Variants in CDH11 observed in about 807,000 individuals in gnomAD.
CDH11 encodes the protein cadherin-11.
CDH11 carries 11 observed loss-of-function variants against 67.8 expected under a neutral mutation model. The ratio of observed to expected loss-of-function variants is 0.16; its 90% CI spans 0.10 to 0.27. The LOEUF (loss-of-function observed/expected upper bound fraction) is 0.27. Among genes scored for constraint, CDH11 ranks in the 10% least tolerant of loss-of-function variants. The pLI is 1.00. For missense variants in CDH11, 847 were observed against 1,031.2 expected (o/e 0.82, Z 2.45); for synonymous variants, 419 against 400.0 (o/e 1.05, Z -0.57).
intron 7 of CDH11, chr16:64,986,210 T>A (rs1567509714): frequency 6.6e-6 from 1 of 152,098 alleles, no homozygotes; most frequent in Non-Finnish European, 1.5e-5. Flanking sequence ...CCGGTGGACA[T>A]TTGGAACTTT....
At position 65,015,281 on chromosome 16, in the gene CDH11, T is replaced by C. The variant is rs374731034; in HGVS notation, c.-172-10240A>G. On this transcript the variant is annotated intron_variant, in intron 2 of 12. Transcript: ENST00000268603. ...GAGTAAGTAATATCAATTCTACCAT[T>C]TCTTTTCAAGTTTGGAGATTTTGCT... Among the ~76,000 whole-genome samples the C allele has an allele frequency of 2.2e-4, 33 of 152,040 alleles. No individual in the cohort carries two copies. In the South Asian group the frequency reaches 4.2e-3, roughly 19 times the overall value.
chr16:65,079,907 C>A (rs1015243155), intron 1 of CDH11, among the ~76,000 whole-genome samples: 1 of 152,148 alleles, frequency 6.6e-6, no homozygotes, highest in Admixed American at 6.5e-5. Context: ...TTTCTTTGCA[C>A]AGCTCTCAGC....
At position 64,992,871 on chromosome 16, in the gene CDH11, C is replaced by G. The variant is rs778329738; in HGVS notation, c.643+44G>C. The G allele has an allele frequency of 3.1e-6, 5 of 1,600,954 alleles. No homozygotes were observed. In the East Asian group the frequency reaches 1.1e-4, roughly 36 times the overall value. ...TAAGTTCTGGTCAGGCCTGGGACTT[C>G]TTATTCACCATGTGTCACAAATCAC... is the stretch of plus-strand genomic sequence containing the variant. On this transcript the variant is annotated intron_variant, in intron 5 of 12. Transcript: ENST00000268603.
chr16:64,969,460 G>A (rs904928502), intron 11 of CDH11, among the ~76,000 whole-genome samples: 2 of 152,168 alleles, frequency 1.3e-5, no homozygotes, highest in Non-Finnish European at 2.9e-5. Context: ...TGAGAAGCTA[G>A]ACAAAAGATG....
intron 2 of CDH11, among the ~76,000 whole-genome samples, chr16:65,044,584 C>G (rs2073922978): frequency 1.3e-5 from 2 of 152,026 alleles, no homozygotes; most frequent in African/African-American, 4.8e-5. Context: ...CTCACAGGGT[C>G]TAGGAGCCCC....
At chr16:65,071,800 G>A (rs753378259) in intron 1 of CDH11, among the ~76,000 whole-genome samples, 2 of 152,190 alleles carry the variant, frequency 1.3e-5, no homozygotes, top group African/African-American at 2.4e-5. Flanking sequence ...AAGGAAGATC[G>A]TGACCCGAGC....
intron 7 of CDH11, chr16:64,985,895 C>T (rs762918161): frequency 1.3e-5 from 2 of 151,682 alleles, no homozygotes; most frequent in Non-Finnish European, 2.9e-5. Context: ...TATTGTATCA[C>T]TTCACTGTCC....
In CDH11 at chr16:65,119,363, T is replaced by C. The variant is rs146481634; in HGVS notation, c.-298+2517A>G. On this transcript the variant is annotated intron_variant, in intron 1 of 12. Coordinates refer to ENST00000268603, the MANE Select transcript of CDH11 (RefSeq NM_001797.4). Reference sequence around the variant, plus strand: ...CATGAGTTCTAAGACATAAAAAAAATTGCGCCATAACTATTTTTTTTAAAT... The same window carrying C: ...CATGAGTTCTAAGACATAAAAAAAACTGCGCCATAACTATTTTTTTTAAAT... Among the ~76,000 whole-genome samples the C allele has an allele frequency of 2.1e-3, 324 of 152,146 alleles. 3 individuals are homozygous for C. The highest frequency in any genetic ancestry group is 7.1e-3 in the African/African-American group (294 of 41,496).
At chr16:65,045,754 G>T (rs2073952489) in intron 2 of CDH11, among the ~76,000 whole-genome samples, 1 of 152,098 alleles carries the variant, frequency 6.6e-6, no homozygotes, top group Non-Finnish European at 1.5e-5. Context: ...TTAATGAATG[G>T]CCAAGAAGTA....
intron 8 of CDH11, among the ~76,000 whole-genome samples, chr16:64,975,252 C>T (rs765332521): frequency 9.2e-5 from 14 of 152,182 alleles, no homozygotes; most frequent in Non-Finnish European, 1.6e-4. Context: ...CTGTTACACA[C>T]TGAGAACAAA....
Position 65,097,610 on chromosome 16 carries a change from C to A in CDH11, c.-298+24270G>T, listed in dbSNP as rs138264361. Among the ~76,000 whole-genome samples, 318 of 152,248 alleles carry A rather than the reference C, an allele frequency of 2.1e-3. 2 individuals are homozygous for A. The highest frequency in any genetic ancestry group is 6.9e-3 in the African/African-American group (286 of 41,552). On this transcript the variant is annotated intron_variant, in intron 1 of 12. Coordinates refer to ENST00000268603, the MANE Select transcript of CDH11 (RefSeq NM_001797.4). ...GATCTTGCCAAATGTCCTCTGGGGG[C>A]AAAATCATTATTATTATCAGTAGTA...
intron 3 of CDH11, among the ~76,000 whole-genome samples, chr16:65,001,165 T>C (rs35187): frequency 0.42 from 64,538 of 152,060 alleles, 14,701 homozygotes; most frequent in East Asian, 0.63. Context: ...CCTGTAGGTA[T>C]GAATTACAAA....
intron 2 of CDH11, among the ~76,000 whole-genome samples, chr16:65,043,381 T>C (rs568196287): frequency 2.6e-5 from 4 of 151,806 alleles, no homozygotes; most frequent in Admixed American, 2.6e-4. Flanking sequence ...GAATAACACC[T>C]GGAGAAGAAA....
chr16:64,979,830 A>G (rs1480941781), intron 8 of CDH11, among the ~76,000 whole-genome samples: 1 of 151,680 alleles, frequency 6.6e-6, no homozygotes, highest in Non-Finnish European at 1.5e-5. Context: ...TATCCAAATG[A>G]TAAATGAGCA....
chr16:64,960,330 T>A (rs1485135002), intron 11 of CDH11, among the ~76,000 whole-genome samples: 3 of 152,214 alleles, frequency 2.0e-5, no homozygotes, highest in Non-Finnish European at 4.4e-5. Flanking sequence ...GAAGATTATA[T>A]GTTATGAAGT....
chr16:65,071,705 A>G (rs1328831645), intron 1 of CDH11, among the ~76,000 whole-genome samples: 1 of 152,204 alleles, frequency 6.6e-6, no homozygotes, highest in African/African-American at 2.4e-5. Context: ...AACTCCTGAC[A>G]TGCGGATCAA....
At chr16:64,981,926 T>A in intron 8 of CDH11, 122 bp downstream of exon 8, 1 of 814,538 alleles carries the variant, frequency 1.2e-6, no homozygotes, top group Non-Finnish European at 2.0e-6. Flanking sequence ...GTTTACATTC[T>A]ATTGAACCTG....
intron 1 of CDH11, among the ~76,000 whole-genome samples, chr16:65,082,036 C>T (rs559158061): frequency 1.3e-5 from 2 of 152,302 alleles, no homozygotes; most frequent in South Asian, 2.1e-4. Context: ...GCCTAACAGG[C>T]TCTCATCTTC....
Position 64,950,948 on chromosome 16 carries a change from G to A in CDH11, c.1713C>T (p.Pro571=). 3 of 1,614,146 alleles carry A rather than the reference G, an allele frequency of 1.9e-6. No homozygotes were observed. Among genetic ancestry groups the A allele is most frequent in the Non-Finnish European group, 2.5e-6 (3 of 1,180,030 alleles). The change falls in exon 12 of 13, where the codon CCC becomes CCT. Residue 571 remains proline, a synonymous_variant. Transcript: ENST00000268603. ...SRQKQDLYLL[P]IVISDGGIPP... ...GGATGCCGCCATCGCTGATCACTATGGGCAGAAGGTACAAGTCCTGCTTCT... is the reference window on the plus strand; with the variant it reads ...GGATGCCGCCATCGCTGATCACTATAGGCAGAAGGTACAAGTCCTGCTTCT...
Sources: allele counts gnomAD v4.1 joint callset (sites outside exome capture counted in the v4.1 genomes callset), GRCh38; gene constraint gnomAD v4.1.1; transcripts MANE v1.5; gene names NCBI Gene and HGNC (gene_info 2026-07-23, HGNC 2026-07-21).